The following HSD17B4 variants were observed in gnomAD, a reference collection of about 807,000 sequenced individuals.
The protein encoded by HSD17B4 is peroxisomal multifunctional enzyme type 2.
Under a neutral mutation model 101.0 loss-of-function variants are expected in HSD17B4, and 70 were observed. The ratio of observed to expected loss-of-function variants is 0.69; its 90% CI spans 0.57 to 0.85. HSD17B4 has a LOEUF of 0.85. Ranked by LOEUF, HSD17B4 falls within the 40% of genes least tolerant of loss-of-function variation. The pLI is 0.00. For synonymous variants in HSD17B4, 347 were observed against 297.1 expected (o/e 1.17, Z -1.73); for missense variants, 984 against 892.4 (o/e 1.10, Z -1.31).
At position 119,538,326 on chromosome 5, in the gene HSD17B4, C is replaced by T. The variant is rs115458415; in HGVS notation, c.2121+1776C>T. Among the ~76,000 whole-genome samples, 1,402 of 152,258 alleles carry T rather than the reference C, an allele frequency of 9.2e-3. 20 individuals carry two copies. Among genetic ancestry groups the T allele is most frequent in the African/African-American group, 0.031 (1,299 of 41,570 alleles). ...TCTTGAATTCATCTTCTCTTCCTCT[C>T]TAGGGATATCACTGTGATCCTAGCC... On this transcript the variant is annotated intron_variant, in intron 23 of 23. Transcript: ENST00000510025.
chr5:119,474,092 A>G (rs1422934653), intron 3 of HSD17B4, 77 bp downstream of exon 3: 4 of 841,428 alleles, frequency 4.8e-6, no homozygotes, highest in Non-Finnish European at 8.0e-6. Context: ...TCTTTGAGCA[A>G]ATATCTCAGT....
At chr5:119,501,929 G>C in intron 13 of HSD17B4, 112 bp from the exon 14 acceptor site, 1 of 705,638 alleles carries the variant, frequency 1.4e-6, no homozygotes, top group Non-Finnish European at 2.6e-6. Flanking sequence ...ATAACTTGGA[G>C]AGAAATGTGA....
intron 23 of HSD17B4, 23 bp from the exon 24 acceptor site, chr5:119,541,882 C>T: frequency 6.9e-7 from 1 of 1,453,840 alleles, no homozygotes; most frequent in Non-Finnish European, 9.7e-7. Context: ...AGTTGGCACT[C>T]TTTTTCCCTC....
chr5:119,512,670 G>T lies in HSD17B4; in HGVS notation c.1438-2311G>T, dbSNP rs531850447. Among the ~76,000 whole-genome samples, 68 of 152,248 alleles carry T rather than the reference G, an allele frequency of 4.5e-4. 1 individual carries two copies. The highest frequency in any genetic ancestry group is 1.6e-3 in the African/African-American group (66 of 41,558). ...CATTCCTGGACAACAAAAACTGAGA[G>T]AATTTGTTGTTAGCAGTCTTGCCTT... On this transcript the variant is annotated intron_variant, in intron 16 of 23. Transcript: ENST00000510025.
intron 11 of HSD17B4, among the ~76,000 whole-genome samples, chr5:119,494,384 T>TCTTTCTTC (rs1750438745): frequency 6.8e-6 from 1 of 146,704 alleles, no homozygotes; most frequent in African/African-American, 2.5e-5. Flanking sequence ...TTTCTTTCTT[T>TCTTTCTTC]CTTTCTCAAA....
intron 2 of HSD17B4, among the ~76,000 whole-genome samples, chr5:119,458,539 C>T (rs983784795): frequency 2.0e-5 from 3 of 146,406 alleles, no homozygotes; most frequent in South Asian, 2.1e-4. Context: ...AGTAAAGATG[C>T]GGTTTCACCA....
At chr5:119,459,450 C>A (rs1754992676) in intron 2 of HSD17B4, among the ~76,000 whole-genome samples, 1 of 152,220 alleles carries the variant, frequency 6.6e-6, no homozygotes, top group Admixed American at 6.5e-5. Context: ...TGACTCAAGG[C>A]ACATCCTAGC....
chr5:119,489,826 C>G (rs1309382728), intron 9 of HSD17B4, among the ~76,000 whole-genome samples: 2 of 151,614 alleles, frequency 1.3e-5, no homozygotes, highest in Admixed American at 6.6e-5. Context: ...AAAAAATGAA[C>G]TTTTCTGTTT....
intron 6 of HSD17B4, chr5:119,476,537 G>C: frequency 2.0e-6 from 2 of 982,988 alleles, no homozygotes; most frequent in Non-Finnish European, 2.4e-6. Context: ...AGTGTGTTTT[G>C]GGGGAATAGT....
At chr5:119,478,541 G>A (rs1748810474) in intron 7 of HSD17B4, among the ~76,000 whole-genome samples, 1 of 152,056 alleles carries the variant, frequency 6.6e-6, no homozygotes, top group Non-Finnish European at 1.5e-5. Context: ...AATATTTCTT[G>A]CTAAAATTTT....
intron 12 of HSD17B4, among the ~76,000 whole-genome samples, chr5:119,498,959 A>G (rs889762430): frequency 2.0e-5 from 3 of 152,212 alleles, no homozygotes; most frequent in Admixed American, 6.5e-5. Context: ...GTTTACAGTG[A>G]ACTTTATACA....
intron 23 of HSD17B4, among the ~76,000 whole-genome samples, chr5:119,538,824 T>C (rs974918194): frequency 6.6e-6 from 1 of 152,218 alleles, no homozygotes; most frequent in Non-Finnish European, 1.5e-5. Context: ...CTTCCTGTTA[T>C]ATTCTGATAA....
rs1020289271 is a variant in HSD17B4, at chr5:119,503,106, GTGTGTGTGTA to G, written c.1261+1021_1261+1030del. ...TGTGTGTGTGTGTGTGTGTGTGTGT[GTGTGTGTGTA>G]TGTGTGCATGTATGTATGTGGTGGG... On this transcript the variant is annotated intron_variant, in intron 14 of 23. Coordinates refer to ENST00000510025, the MANE Select transcript of HSD17B4 (RefSeq NM_000414.4). Among the ~76,000 whole-genome samples the G allele has an allele frequency of 3.5e-4, 53 of 151,888 alleles. No individual in the cohort carries two copies. In the South Asian group the frequency reaches 0.01, roughly 29 times the overall value.
chr5:119,502,828 G>T (rs1249075070), intron 14 of HSD17B4, among the ~76,000 whole-genome samples: 1 of 152,030 alleles, frequency 6.6e-6, no homozygotes, highest in South Asian at 2.1e-4. Context: ...GCTTGAAGCT[G>T]AATAGCTTTA....
rs1240676023 is a variant in HSD17B4, at chr5:119,477,509, T to A, written c.434+8T>A. The A allele has an allele frequency of 6.3e-7, 1 of 1,594,198 alleles. No individual in the cohort carries two copies. The highest frequency in any genetic ancestry group is 1.3e-5 in the African/African-American group (1 of 74,438). On this transcript the variant is annotated splice_region_variant and intron_variant, in intron 7 of 23. Coordinates refer to ENST00000510025, the MANE Select transcript of HSD17B4 (RefSeq NM_000414.4). ...GAAACAGAAGTATGGAAGGTAGAGT[T>A]GCATGTGGTTGTCAAGGGGGATTTA... is the stretch of plus-strand genomic sequence containing the variant.
At chr5:119,484,271 C>T (rs1187851233) in intron 8 of HSD17B4, among the ~76,000 whole-genome samples, 2 of 152,312 alleles carry the variant, frequency 1.3e-5, no homozygotes, top group Non-Finnish European at 2.9e-5. Context: ...GACTATTCCT[C>T]ATTCTTGATT....
rs1416674392 is a variant in HSD17B4, at chr5:119,542,220, A to T, written c.*226A>T. On this transcript the variant is annotated 3_prime_UTR_variant, in exon 24 of 24. Coordinates refer to ENST00000510025, the MANE Select transcript of HSD17B4 (RefSeq NM_000414.4). ...AGCACATAATTATCCTTCTGTTCTT[A>T]GATCTGTATCTTCATAATAAAAAAT... is the stretch of plus-strand genomic sequence containing the variant. 2.2e-5 allele frequency: 9 copies of T among 412,222 alleles called. No homozygotes were observed. In the East Asian group the frequency reaches 4.0e-4, roughly 18 times the overall value. The allele number at this position is 412,222 out of a possible 1,614,324, so 25.5% of individuals were successfully genotyped here. A position where few individuals can be genotyped will look rare whatever the true frequency, so the allele number is the denominator to read the frequency against.
intron 2 of HSD17B4, among the ~76,000 whole-genome samples, chr5:119,462,144 C>T (rs949195385): frequency 2.6e-5 from 4 of 151,718 alleles, no homozygotes; most frequent in Non-Finnish European, 5.9e-5. Flanking sequence ...AAAGACTTGA[C>T]CCTTGACTAT....
At chr5:119,485,355 C>T (rs1481126039) in intron 8 of HSD17B4, among the ~76,000 whole-genome samples, 2 of 152,078 alleles carry the variant, frequency 1.3e-5, no homozygotes, top group African/African-American at 4.8e-5. Flanking sequence ...AATGTTTAAT[C>T]CTTTATGCCT....
Sources: gnomAD v4.1 joint callset for allele counts (sites outside exome capture counted in the v4.1 genomes callset) on GRCh38, gnomAD v4.1.1 for gene constraint, MANE v1.5 for transcripts, NCBI Gene and HGNC (gene_info 2026-07-23, HGNC 2026-07-21) for gene names.